MUC22: variants seen among roughly 807,000 people sequenced by gnomAD.
MUC22 encodes mucin-22.
Under a neutral mutation model 40.3 loss-of-function variants are expected in MUC22, and 24 were observed. The ratio of observed to expected loss-of-function variants is 0.60; its 90% CI spans 0.43 to 0.84. The LOEUF (loss-of-function observed/expected upper bound fraction) is 0.84, where lower values mean the gene tolerates loss of function less well. MUC22 is among the 40% of genes least tolerant of loss of function. The probability of loss-of-function intolerance (pLI) is 0.00; values close to 1 mark genes in which losing one functional copy is unlikely to be tolerated. For synonymous variants in MUC22, 765 were observed against 844.5 expected, an observed-to-expected ratio of 0.91 and a Z score of 1.63; for missense variants, 1,926 against 2,130.7, an observed-to-expected ratio of 0.90 and a Z score of 1.89.
chr6:31,018,653 T>C (rs1170282711), intron 1 of MUC22, among the ~76,000 whole-genome samples: 3 of 152,296 alleles, frequency 2.0e-5, no homozygotes, highest in Non-Finnish European at 4.4e-5. Flanking sequence ...TTTTATTCAT[T>C]CCAATTGGGG....
At chr6:31,006,788 C>T (rs1763548401), upstream of MUC22, among the ~76,000 whole-genome samples, 3 of 152,150 alleles carry the variant, frequency 2.0e-5, no homozygotes, top group South Asian at 2.1e-4. Context: ...ACTATAAGTT[C>T]GTAGAGCAGG....
chr6:31,035,266 T>C (rs1766373188), exon 4 of MUC22: 3 of 327,860 alleles, frequency 9.2e-6, no homozygotes, highest in South Asian at 1.0e-4. Flanking sequence ...ACAACCACCC[T>C]CAGGACATCT....
chr6:31,018,729 A>G (rs1028322730), intron 1 of MUC22, among the ~76,000 whole-genome samples: 6 of 152,278 alleles, frequency 3.9e-5, no homozygotes, highest in Non-Finnish European at 8.8e-5. Context: ...TCTGAATCCA[A>G]TGGACATGGC....
intron 1 of MUC22, among the ~76,000 whole-genome samples, chr6:31,021,196 A>G (rs9262514): frequency 0.38 from 57,629 of 150,774 alleles, 11,383 homozygotes; most frequent in East Asian, 0.47. Flanking sequence ...GAGTCTGGTG[A>G]GGACGTGGAG....
At chr6:31,019,920 A>G (rs1764546037) in intron 1 of MUC22, among the ~76,000 whole-genome samples, 1 of 152,122 alleles carries the variant, frequency 6.6e-6, no homozygotes, top group South Asian at 2.1e-4. Context: ...TGAGGGTGAG[A>G]GGGAGTATGG....
rs1273580707 is a variant in MUC22 at position 31,032,714 on chromosome 6, G to C, written c.5055+133G>C. On this transcript the variant is annotated intron_variant, in intron 3 of 3. Coordinates refer to ENST00000561890, the Ensembl canonical transcript of MUC22. The surrounding 1 kb of genome is among the most constrained non-coding windows in gnomAD (Gnocchi z 4.1). The stretch of plus-strand genomic sequence containing the variant: ...GCGCTCAGAAGGAAAGAATCACCTA[G>C]CCTGATATAAGGACCAGAGAGAATG... The C allele has an allele frequency of 1.0e-6, 1 of 971,086 alleles. No homozygotes were observed. The highest frequency in any genetic ancestry group is 1.5e-6 in the Non-Finnish European group (1 of 674,228). 60.2% of individuals were successfully genotyped at this position (971,086 alleles called of 1,614,324 possible).
chr6:31,028,659 A>G (rs980455754), exon 2 of MUC22: 2 of 1,534,108 alleles, frequency 1.3e-6, no homozygotes, highest in African/African-American at 1.4e-5. Flanking sequence ...AGACCACCAC[A>G]GTCTCCACTG....
chr6:31,020,175 A>T (rs916429915), intron 1 of MUC22, among the ~76,000 whole-genome samples: 14 of 152,216 alleles, frequency 9.2e-5, no homozygotes, highest in Non-Finnish European at 7.3e-5. Flanking sequence ...GTAATCAAAT[A>T]ACTAAAAATC....
rs1299093763 is a variant in MUC22, at chr6:31,011,228, A to C, written c.70+452A>C. On this transcript the variant is annotated intron_variant, in intron 1 of 3. Transcript: ENST00000561890. This position sits in a 1 kb window ranked among gnomAD's most constrained non-coding sequence, Gnocchi z 4.5. ...TTTTTTTTCCATAGGTTATTTGGGT[A>C]CAGGTGATATTTGGTTATGTAAGTG... 6.6e-6 allele frequency among the ~76,000 whole-genome samples: 1 copy of C among 151,664 alleles called. No individual in the cohort carries two copies.
At chr6:31,031,850 A>T (rs4713421) in intron 2 of MUC22, among the ~76,000 whole-genome samples, 1 of 151,752 alleles carries the variant, frequency 6.6e-6, no homozygotes, top group Admixed American at 6.6e-5. Flanking sequence ...TAATTCATTC[A>T]TTTTTATCAG....
At chr6:31,023,359 G>T (rs1387624291) in intron 1 of MUC22, among the ~76,000 whole-genome samples, 1 of 151,886 alleles carries the variant, frequency 6.6e-6, no homozygotes, top group Non-Finnish European at 1.5e-5. Context: ...AACATAGGGA[G>T]ACCCCATCTT....
chr6:31,029,281 G>C (rs1225602211), exon 2 of MUC22: 1 of 1,528,468 alleles, frequency 6.5e-7, no homozygotes, highest in Non-Finnish European at 8.8e-7. Context: ...TGAAGGTTCA[G>C]AGACCACTAC....
chr6:31,032,158 T>A lies in MUC22; in HGVS notation c.4670-38T>A. 6.6e-7 allele frequency: 1 copy of A among 1,504,446 alleles called. No homozygotes were observed. The highest frequency in any genetic ancestry group is 8.8e-7 in the Non-Finnish European group (1 of 1,131,682). The allele number at this position is 1,504,446 out of a possible 1,614,324, so 93.2% of individuals were successfully genotyped here. A position where few individuals can be genotyped will look rare whatever the true frequency, so the allele number is the denominator to read the frequency against. ...ACCCCCATTCCCCTTTAATCATCTC[T>A]GCTACAAATGCATCATCTTGTGTGA... On this transcript the variant is annotated intron_variant, in intron 2 of 3. Transcript: ENST00000561890. The surrounding 1 kb of genome is among the most constrained non-coding windows in gnomAD (Gnocchi z 4.1).
chr6:31,035,256 A>G (rs768850087), exon 4 of MUC22: 1 of 348,066 alleles, frequency 2.9e-6, no homozygotes, highest in South Asian at 9.1e-5. Context: ...GGGAGTCACG[A>G]CAACCACCCT....
upstream of MUC22, among the ~76,000 whole-genome samples, chr6:31,006,437 T>A (rs1282520131): frequency 6.6e-6 from 1 of 152,156 alleles, no homozygotes; most frequent in East Asian, 1.9e-4. Context: ...GGGTGATGAA[T>A]AGGTGGAGCA....
intron 2 of MUC22, among the ~76,000 whole-genome samples, chr6:31,031,596 G>C (rs1247216643): frequency 6.6e-6 from 1 of 152,142 alleles, no homozygotes; most frequent in African/African-American, 2.4e-5. Context: ...TGATTTGTGA[G>C]ATTTTGGTGC....
At chr6:31,015,236 A>G (rs7760786) in intron 1 of MUC22, among the ~76,000 whole-genome samples, 45,755 of 151,934 alleles carry the variant, frequency 0.3, 7,245 homozygotes, top group East Asian at 0.49. Context: ...TCCTGGCTGG[A>G]CCCTTTGCTA....
chr6:31,017,563 A>G (rs951385039), intron 1 of MUC22, among the ~76,000 whole-genome samples: 2 of 152,242 alleles, frequency 1.3e-5, no homozygotes, highest in Non-Finnish European at 2.9e-5. Flanking sequence ...TACACCAATC[A>G]GCACCCTGTG....
At position 31,026,783 on chromosome 6, in the gene MUC22, C is replaced by T. The variant is rs1765408619; in HGVS notation, c.1352C>T (p.Thr451Ile). Residue 451 changes from threonine to isoleucine, a missense_variant, in exon 2 of 4, where the codon ACT (threonine) becomes ATT (isoleucine). Thr to Ile is a moderately conservative substitution (Grantham distance 89, BLOSUM62 -1). Around this residue, in one of 3 missense-constraint regions of MUC22, gnomAD observed 1,281 missense variants for 1,337.8 expected, o/e 0.96. Coordinates refer to ENST00000561890, the Ensembl canonical transcript of MUC22. ...GGCTCAGAGACCACCACAGTCTCTA[C>T]TGCAGGCTCTGAGACCACTACAGTC... The T allele has an allele frequency of 2.0e-5, 30 of 1,511,098 alleles. No homozygotes were observed. In the East Asian group the frequency reaches 7.1e-4, roughly 36 times the overall value. 93.6% of individuals were successfully genotyped at this position (1,511,098 alleles called of 1,614,324 possible). A position where few individuals can be genotyped will look rare whatever the true frequency, so the allele number is the denominator to read the frequency against.
Sources: gnomAD v4.1 joint callset for allele counts (sites outside exome capture counted in the v4.1 genomes callset) on GRCh38, gnomAD v4.1.1 for gene constraint, gnomAD v4.1.1 regional missense constraint, Gnocchi (gnomAD v3.1) non-coding constraint, MANE v1.5 for transcripts, NCBI Gene and HGNC (gene_info 2026-07-23, HGNC 2026-07-21) for gene names.